Variants in NFIA observed in about 807,000 individuals in gnomAD.
The protein encoded by NFIA is nuclear factor I A.
A neutral mutation model predicts 62.8 loss-of-function variants in NFIA; 8 were observed. The observed-to-expected ratio is 0.13, with a 90% CI of 0.07 to 0.23. The LOEUF is 0.23. NFIA is among the 10% of genes least tolerant of loss of function. The pLI, the probability that NFIA is intolerant of heterozygous loss-of-function variation, is 1.00. For synonymous variants in NFIA, 235 were observed against 238.1 expected, an observed-to-expected ratio of 0.99 and a Z score of 0.12; for missense variants, 410 against 642.1, an observed-to-expected ratio of 0.64 and a Z score of 3.91.
At chr1:61,147,950 C>T (rs1391949210) in intron 2 of NFIA, among the ~76,000 whole-genome samples, 3 of 152,056 alleles carry the variant, frequency 2.0e-5, no homozygotes, top group African/African-American at 7.3e-5. Context: ...CTTTGTACAC[C>T]AATGCAAGTG....
At chr1:61,432,186 G>A (rs1667122873) in intron 10 of NFIA, among the ~76,000 whole-genome samples, 1 of 151,454 alleles carries the variant, frequency 6.6e-6, no homozygotes, top group Non-Finnish European at 1.5e-5. Flanking sequence ...TCTAGCTTGG[G>A]CCTAATGATA....
chr1:61,256,126 CA>C (rs1189495834), intron 2 of NFIA, among the ~76,000 whole-genome samples: 1 of 151,838 alleles, frequency 6.6e-6, no homozygotes, highest in Non-Finnish European at 1.5e-5. Flanking sequence ...ACAAAAATCG[CA>C]AAAAAATCTT....
intron 9 of NFIA, among the ~76,000 whole-genome samples, chr1:61,424,278 A>G (rs1380767885): frequency 2.0e-5 from 3 of 152,146 alleles, no homozygotes; most frequent in Admixed American, 1.3e-4. Flanking sequence ...ATGGGATATA[A>G]TATAAATACC....
At chr1:61,285,202 A>T (rs1258925237) in intron 3 of NFIA, among the ~76,000 whole-genome samples, 14 of 152,080 alleles carry the variant, frequency 9.2e-5, no homozygotes, top group Non-Finnish European at 2.1e-4. Context: ...GGACCCTTTG[A>T]CAGAGATATC....
chr1:61,189,618 T>C (rs1369280211), intron 2 of NFIA, among the ~76,000 whole-genome samples: 7 of 152,028 alleles, frequency 4.6e-5, no homozygotes, highest in Non-Finnish European at 2.9e-5. Context: ...TGAGCCGAGA[T>C]CGGGCCACTG....
At chr1:61,211,715 C>T (rs991273585) in intron 2 of NFIA, among the ~76,000 whole-genome samples, 9 of 151,944 alleles carry the variant, frequency 5.9e-5, no homozygotes, top group Non-Finnish European at 1.3e-4. Flanking sequence ...TTATTTTTTT[C>T]GAGACAAAGT....
At chr1:61,084,841 AT>A (rs1646190054) in intron 1 of NFIA, among the ~76,000 whole-genome samples, 1 of 151,934 alleles carries the variant, frequency 6.6e-6, no homozygotes, top group African/African-American at 2.4e-5. Context: ...GTATTATGAC[AT>A]TAAGAGAGTT....
chr1:61,419,914 G>C (rs1350117960), intron 9 of NFIA, among the ~76,000 whole-genome samples: 1 of 152,170 alleles, frequency 6.6e-6, no homozygotes, highest in African/African-American at 2.4e-5. Context: ...TGTTGTTGCT[G>C]TTGGTAACTT....
At chr1:61,320,465 T>C (rs1314911453) in intron 3 of NFIA, among the ~76,000 whole-genome samples, 1 of 152,234 alleles carries the variant, frequency 6.6e-6, no homozygotes, top group Non-Finnish European at 1.5e-5. Context: ...CTTTGCATTT[T>C]GTGGTTCTAA....
chr1:61,438,460 G>A lies in NFIA; in HGVS notation c.1512+11904G>A, dbSNP rs4915742. Among the ~76,000 whole-genome samples the A allele has an allele frequency of 6.4e-3, 972 of 152,226 alleles. 4 individuals carry two copies. The highest frequency in any genetic ancestry group is 9.4e-3 in the Non-Finnish European group (641 of 68,010). ...GAAATGGTAATATGATGAGCACCCCGGAGGTAATCTGGTAATGTTCTCCCT... is the reference window on the plus strand; with the variant it reads ...GAAATGGTAATATGATGAGCACCCCAGAGGTAATCTGGTAATGTTCTCCCT... On this transcript the variant is annotated intron_variant, in intron 10 of 10. Transcript: ENST00000403491.
upstream of NFIA, among the ~76,000 whole-genome samples, chr1:61,079,089 A>T (rs1443075766): frequency 1.3e-5 from 2 of 152,216 alleles, no homozygotes; most frequent in Non-Finnish European, 2.9e-5. Context: ...TGGCTTGGAA[A>T]TTTGATGTAA....
At chr1:61,319,015 T>C (rs1660523476) in intron 3 of NFIA, among the ~76,000 whole-genome samples, 1 of 152,134 alleles carries the variant, frequency 6.6e-6, no homozygotes, top group South Asian at 2.1e-4. Context: ...TCATATGGCA[T>C]CATTCTGGTG....
intron 2 of NFIA, among the ~76,000 whole-genome samples, chr1:61,133,911 G>C (rs182531478): frequency 5.3e-5 from 8 of 152,058 alleles, no homozygotes; most frequent in Admixed American, 5.2e-4. Context: ...GGAGGCTGAG[G>C]GGGTGGATCC....
At chr1:61,263,241 G>C (rs919404970) in intron 2 of NFIA, among the ~76,000 whole-genome samples, 1 of 152,136 alleles carries the variant, frequency 6.6e-6, no homozygotes, top group Non-Finnish European at 1.5e-5. Flanking sequence ...CAAACTGATT[G>C]AATCACTGGT....
intron 2 of NFIA, among the ~76,000 whole-genome samples, chr1:61,106,583 A>T (rs1646605079): frequency 6.6e-6 from 1 of 151,870 alleles, no homozygotes; most frequent in African/African-American, 2.4e-5. Flanking sequence ...TTCTTTTAAA[A>T]TTTTTCAAAT....
chr1:61,317,635 A>G (rs187324240), intron 3 of NFIA, among the ~76,000 whole-genome samples: 1 of 152,020 alleles, frequency 6.6e-6, no homozygotes, highest in African/African-American at 2.4e-5. Context: ...TTACTCAAAA[A>G]TTCACTTAAA....
intron 3 of NFIA, among the ~76,000 whole-genome samples, chr1:61,277,820 C>T (rs559149930): frequency 7.9e-4 from 121 of 152,228 alleles, no homozygotes; most frequent in African/African-American, 2.7e-3. Context: ...CCATGAGAAC[C>T]TGAATTCCCA....
At chr1:61,405,184 C>G (rs2474381) in intron 8 of NFIA, among the ~76,000 whole-genome samples, 1 of 152,014 alleles carries the variant, frequency 6.6e-6, no homozygotes, top group Admixed American at 6.5e-5. Flanking sequence ...TGCATATCTG[C>G]GCCAGAACAG....
intron 4 of NFIA, among the ~76,000 whole-genome samples, chr1:61,339,665 A>G (rs1234755089): frequency 1.3e-5 from 2 of 152,124 alleles, no homozygotes; most frequent in Non-Finnish European, 2.9e-5. Context: ...TTTTCTTGAC[A>G]TGTTTGGGGT....
Sources: gnomAD v4.1 joint callset for allele counts (sites outside exome capture counted in the v4.1 genomes callset) on GRCh38, gnomAD v4.1.1 for gene constraint, MANE v1.5 for transcripts, NCBI Gene and HGNC (gene_info 2026-07-23, HGNC 2026-07-21) for gene names.